Variants in GK observed in about 807,000 individuals in gnomAD.
The protein encoded by GK is glycerol kinase.
GK carries 9 observed loss-of-function variants against 56.4 expected under a neutral mutation model. The ratio of observed to expected loss-of-function variants is 0.16; its 90% confidence interval spans 0.10 to 0.28. The LOEUF (loss-of-function observed/expected upper bound fraction) is 0.28. Among genes scored for constraint, GK ranks in the 10% least tolerant of loss-of-function variants. The probability of loss-of-function intolerance (pLI) is 1.00; values close to 1 mark genes in which losing one functional copy is unlikely to be tolerated. For missense variants in GK, 161 were observed against 431.4 expected (o/e 0.37, Z 5.55); for synonymous variants, 104 against 144.1 (o/e 0.72, Z 1.99).
At chrX:30,702,242 A>G (rs1935717696) in intron 11 of GK, among the ~76,000 whole-genome samples, 1 of 110,824 alleles carries the variant, frequency 9.0e-6, no homozygotes, top group South Asian at 3.7e-4. Flanking sequence ...GAGTTTCTCC[A>G]TGTTGGTCAG....
chrX:30,691,019 T>A (rs1934899691), intron 4 of GK, 104 bp from the exon 5 acceptor site: 1 of 488,131 alleles, frequency 2.0e-6, no homozygotes, highest in Admixed American at 3.2e-5. Flanking sequence ...GAATTTTAAT[T>A]CCTTATAGAA....
intron 18 of GK, 141 bp downstream of exon 18, chrX:30,721,136 A>T: frequency 5.1e-6 from 3 of 585,960 alleles, no homozygotes; most frequent in Non-Finnish European, 8.7e-6. Context: ...GCTGCCAAGC[A>T]TATTGGGCTT....
rs150104621 is a variant in GK, at chrX:30,716,886, C to T, written c.976-1652C>T. Among the ~76,000 whole-genome samples the T allele has an allele frequency of 2.7e-3, 305 of 111,871 alleles. 1 individual carries two copies. The highest frequency in any genetic ancestry group is 9.1e-3 in the African/African-American group (281 of 30,879). ...CCTTGTCATATTTGCACAGCTATGC[C>T]AGATCTGTTCCTCAAATACTTCCTG... On this transcript the variant is annotated intron_variant, in intron 13 of 20. Coordinates refer to ENST00000427190, the MANE Select transcript of GK (RefSeq NM_001205019.2).
intron 9 of GK, chrX:30,700,156 T>C (rs1012385266): frequency 1.8e-5 from 6 of 331,825 alleles, no homozygotes; most frequent in South Asian, 6.3e-5. Context: ...ACTAACTAAC[T>C]AACCAAGAGT....
chrX:30,654,891 T>G lies in GK; in HGVS notation c.78+1276T>G, dbSNP rs953992687. Among the ~76,000 whole-genome samples the G allele has an allele frequency of 3.6e-5, 4 of 112,468 alleles. No homozygotes were observed. The East Asian group carries it at 1.1e-3, about 31-fold the overall frequency. On this transcript the variant is annotated intron_variant, in intron 1 of 20. Transcript: ENST00000427190. ...TCTTCACTTTACCGCAAATCATGTT[T>G]TCCTGTGTTATTTAGTATGTATATA...
At chrX:30,681,968 A>T (rs7879845) in intron 4 of GK, among the ~76,000 whole-genome samples, 2,344 of 112,025 alleles carry the variant, frequency 0.021, 51 homozygotes, top group African/African-American at 0.071. Flanking sequence ...CTCTTAGTCC[A>T]TTCTGGTTAC....
At chrX:30,653,854 G>A (rs1932035650) in intron 1 of GK, among the ~76,000 whole-genome samples, 1 of 112,479 alleles carries the variant, frequency 8.9e-6, no homozygotes, top group South Asian at 3.6e-4. Flanking sequence ...TGGCGGAGCT[G>A]GGTCACCTAC....
At chrX:30,712,882 G>A (rs1936417090) in intron 13 of GK, among the ~76,000 whole-genome samples, 1 of 108,373 alleles carries the variant, frequency 9.2e-6, no homozygotes, top group Non-Finnish European at 1.9e-5. Flanking sequence ...CCACCACCAT[G>A]CCCGGCTAAT....
intron 1 of GK, among the ~76,000 whole-genome samples, chrX:30,663,039 C>T (rs745384411): frequency 3.7e-4 from 41 of 110,157 alleles, no homozygotes; most frequent in South Asian, 7.6e-4. Flanking sequence ...TGCGCCACCA[C>T]GCCCAACAGA....
At chrX:30,667,014 C>T (rs1170154209) in intron 2 of GK, among the ~76,000 whole-genome samples, 1 of 110,390 alleles carries the variant, frequency 9.1e-6, no homozygotes, top group Non-Finnish European at 1.9e-5. Flanking sequence ...ATTAGCCGGG[C>T]GTGGTGGCGG....
At chrX:30,719,309 T>C in intron 14 of GK, 110 bp from the exon 15 acceptor site, 1 of 519,274 alleles carries the variant, frequency 1.9e-6, no homozygotes, top group Non-Finnish European at 3.4e-6. Context: ...TACCAATGAA[T>C]TGGAAACCAA....
In GK at chrX:30,691,218, G is replaced by A. The variant is rs768407359; in HGVS notation, c.414+19G>A. 1.1e-6 allele frequency: 1 copy of A among 888,521 alleles called. No homozygotes were observed. Among genetic ancestry groups the A allele is most frequent in the Non-Finnish European group, 1.7e-6 (1 of 604,913 alleles). The allele number at this position is 888,521 out of a possible 1,213,427, so 73.2% of individuals were successfully genotyped here. On this transcript the variant is annotated intron_variant, in intron 5 of 20. Coordinates refer to ENST00000427190, the MANE Select transcript of GK (RefSeq NM_001205019.2). ...TGTCAAGGTAAGAATTTCTTCAGAAGTATACTATAAGAATGTTTCTTTTTT... is the reference window on the plus strand; with the variant it reads ...TGTCAAGGTAAGAATTTCTTCAGAAATATACTATAAGAATGTTTCTTTTTT...
In GK at chrX:30,662,761, CCTTCCT is replaced by C. The variant is rs1393644487; in HGVS notation, c.79-2749_79-2744del. Among the ~76,000 whole-genome samples the C allele has an allele frequency of 6.0e-3, 586 of 96,882 alleles. 7 individuals are homozygous for C. Among genetic ancestry groups the C allele is most frequent in the African/African-American group, 0.022 (545 of 24,616 alleles). The allele number at this position is 96,882 out of a possible 115,157, so 84.1% of individuals were successfully genotyped here. ...TCCTTCTTTCTTTCCTTCCTTCCTT[CCTTCCT>C]TCTCTCTCTCTCTCTCTCTCTTTCT... On this transcript the variant is annotated intron_variant, in intron 1 of 20. Transcript: ENST00000427190.
intron 2 of GK, among the ~76,000 whole-genome samples, chrX:30,666,836 CAGA>C (rs951731801): frequency 4.5e-5 from 5 of 111,828 alleles, no homozygotes; most frequent in African/African-American, 9.7e-5. Flanking sequence ...TATAAATACA[CAGA>C]AGGAGACTGG....
intron 1 of GK, among the ~76,000 whole-genome samples, chrX:30,657,375 A>G (rs1007222504): frequency 8.9e-6 from 1 of 112,427 alleles, no homozygotes; most frequent in Admixed American, 9.5e-5. Flanking sequence ...GGGTTGGCAC[A>G]TGGTAACTCA....
At chrX:30,660,937 T>A (rs760419521) in intron 1 of GK, among the ~76,000 whole-genome samples, 11 of 107,962 alleles carry the variant, frequency 1.0e-4, no homozygotes, top group Non-Finnish European at 2.1e-4. Context: ...CTCAGCCTCC[T>A]GAGTAGCTGG....
At chrX:30,726,340 T>G (rs972867639) in intron 19 of GK, among the ~76,000 whole-genome samples, 2 of 104,095 alleles carry the variant, frequency 1.9e-5, no homozygotes, top group Admixed American at 1.1e-4. Context: ...CAGGCTGGAG[T>G]GCAATGGCAC....
intron 4 of GK, among the ~76,000 whole-genome samples, chrX:30,682,264 A>G (rs1040924541): frequency 1.8e-5 from 2 of 112,121 alleles, no homozygotes; most frequent in African/African-American, 6.5e-5. Context: ...CATAGATGTG[A>G]TAATCTCAAT....
At chrX:30,678,498 G>C (rs957861669) in intron 4 of GK, among the ~76,000 whole-genome samples, 5 of 111,547 alleles carry the variant, frequency 4.5e-5, no homozygotes, top group African/African-American at 6.5e-5. Flanking sequence ...GAAATTATCA[G>C]AGAGGGGATA....
Sources: allele counts gnomAD v4.1 joint callset (sites outside exome capture counted in the v4.1 genomes callset), GRCh38; gene constraint gnomAD v4.1.1; transcripts MANE v1.5; gene names NCBI Gene and HGNC (gene_info 2026-07-23, HGNC 2026-07-21).